Variants in FAM83B observed in about 807,000 individuals in gnomAD.
FAM83B encodes scaffolding CK1 anchoring protein B.
Under a neutral mutation model 38.8 loss-of-function variants are expected in FAM83B, and 26 were observed. The observed-to-expected ratio is 0.67, with a 90% CI of 0.49 to 0.93. The LOEUF is 0.93. FAM83B is among the 40% of genes least tolerant of loss of function. The pLI, the probability that FAM83B is intolerant of heterozygous loss-of-function variation, is 0.00. For missense variants in FAM83B, 1,237 were observed against 1,197.3 expected, an observed-to-expected ratio of 1.03 and a Z score of -0.49; for synonymous variants, 419 against 423.1, an observed-to-expected ratio of 0.99 and a Z score of 0.12.
At chr6:54,856,422 G>A (rs1267124995) in intron 1 of FAM83B, among the ~76,000 whole-genome samples, 1 of 152,174 alleles carries the variant, frequency 6.6e-6, no homozygotes, top group Non-Finnish European at 1.5e-5. Flanking sequence ...CTTTGTCTCA[G>A]AATTGCAGTC....
rs1162710191 is a variant in FAM83B, at chr6:54,944,868, AAAATGATAAACC to A, written c.*2865_*2876del. ...TCTAGAATATTTAAAACAAAAGGAT[AAAATGATAAACC>A]AAAGAGTCAACTTGTTAACTTTTCT... On this transcript the variant is annotated 3_prime_UTR_variant, in exon 5 of 5. Coordinates refer to ENST00000306858, the MANE Select transcript of FAM83B (RefSeq NM_001010872.3). 1.3e-5 allele frequency: 2 copies of A among 152,196 alleles called. No individual in the cohort carries two copies. Among genetic ancestry groups the A allele is most frequent in the Non-Finnish European group, 2.9e-5 (2 of 68,030 alleles). 9.4% of individuals were successfully genotyped at this position (152,196 alleles called of 1,614,324 possible). A position where few individuals can be genotyped will look rare whatever the true frequency, so the allele number is the denominator to read the frequency against.
rs199698013 is a variant in FAM83B at position 54,941,053 on chromosome 6, A to G, written c.2082A>G (p.Arg694=). The change falls in exon 5 of 5, where the codon AGA becomes AGG. Residue 694 remains arginine, a synonymous_variant. Coordinates refer to ENST00000306858, the MANE Select transcript of FAM83B (RefSeq NM_001010872.3). ...GTACACTTACCAGGAATCGAGTTAG[A>G]CAACCAGAAAAGCCCAAAGAAGATT... ...VYSTLTRNRV[R]QPEKPKEDLL... 3 of 1,613,692 alleles carry G rather than the reference A, an allele frequency of 1.9e-6. No individual in the cohort carries two copies. Among genetic ancestry groups the G allele is most frequent in the Non-Finnish European group, 1.7e-6 (2 of 1,179,932 alleles).
chr6:54,856,358 C>T (rs9370330), intron 1 of FAM83B, among the ~76,000 whole-genome samples: 1 of 152,174 alleles, frequency 6.6e-6, no homozygotes, highest in Non-Finnish European at 1.5e-5. Context: ...GGTGCATTTT[C>T]TGGTTCAGGT....
chr6:54,872,951 A>G (rs1771893088), intron 2 of FAM83B, among the ~76,000 whole-genome samples: 1 of 151,984 alleles, frequency 6.6e-6, no homozygotes, highest in Non-Finnish European at 1.5e-5. Context: ...GTATACTGCC[A>G]AATATAAATT....
At chr6:54,892,355 AG>A (rs1772424532) in intron 2 of FAM83B, among the ~76,000 whole-genome samples, 1 of 151,886 alleles carries the variant, frequency 6.6e-6, no homozygotes, top group South Asian at 2.1e-4. Context: ...CTTGTTGTAC[AG>A]ATCATTTCAT....
chr6:54,891,073 G>A (rs7741915), intron 2 of FAM83B, among the ~76,000 whole-genome samples: 75,510 of 151,886 alleles, frequency 0.5, 19,592 homozygotes, highest in East Asian at 0.89. Context: ...CCTCTAGAGT[G>A]AGTTGCTTGC....
chr6:54,904,747 A>T (rs547141787), intron 2 of FAM83B, among the ~76,000 whole-genome samples: 66 of 152,336 alleles, frequency 4.3e-4, no homozygotes, highest in African/African-American at 1.5e-3. Context: ...AAGAGCCAGG[A>T]TTTGGCCATG....
At chr6:54,897,972 A>G (rs1178509149) in intron 2 of FAM83B, among the ~76,000 whole-genome samples, 1 of 152,210 alleles carries the variant, frequency 6.6e-6, no homozygotes, top group Non-Finnish European at 1.5e-5. Context: ...TTAAACTAGA[A>G]TTATCAGAAA....
intron 2 of FAM83B, among the ~76,000 whole-genome samples, chr6:54,909,207 A>G (rs1772848208): frequency 1.3e-5 from 2 of 152,162 alleles, no homozygotes; most frequent in South Asian, 4.1e-4. Context: ...TCATTTGAAT[A>G]TATGGCGGGT....
intron 2 of FAM83B, among the ~76,000 whole-genome samples, chr6:54,925,516 A>G (rs961049839): frequency 6.6e-6 from 1 of 152,178 alleles, no homozygotes; most frequent in South Asian, 2.1e-4. Flanking sequence ...CATCTTAGGG[A>G]CCTGTTCTTT....
Position 54,870,391 on chromosome 6 carries a change from C to G in FAM83B, c.145C>G (p.Gln49Glu), listed in dbSNP as rs768101945. ...AGAAGCATACCAAGAATTTCTTGTCCAGGAACGAGTTTCAGACTTTCTTGC... is the reference window on the plus strand; with the variant it reads ...AGAAGCATACCAAGAATTTCTTGTCGAGGAACGAGTTTCAGACTTTCTTGC... ...GLEAYQEFLV[Q>E]ERVSDFLAEE... Residue 49 changes from glutamine (Q) to glutamate (E), a missense_variant, in exon 2 of 5, where the codon CAG (glutamine) becomes GAG (glutamate). By Grantham distance (29) the Gln-to-Glu change is conservative. Coordinates refer to ENST00000306858, the MANE Select transcript of FAM83B (RefSeq NM_001010872.3). The G allele has an allele frequency of 6.2e-7, 1 of 1,613,940 alleles. No individual in the cohort carries two copies. The highest frequency in any genetic ancestry group is 1.7e-5 in the Admixed American group (1 of 59,990).
At chr6:54,919,092 G>A (rs1166833249) in intron 2 of FAM83B, among the ~76,000 whole-genome samples, 2 of 152,048 alleles carry the variant, frequency 1.3e-5, no homozygotes, top group African/African-American at 2.4e-5. Context: ...GAAGTACTGA[G>A]GAAGTTAGAA....
At position 54,870,472 on chromosome 6, in the gene FAM83B, G is replaced by T. The variant is rs771157243; in HGVS notation, c.226G>T (p.Ala76Ser). The stretch of plus-strand genomic sequence containing the variant: ...TGTCCAGAAAGTTGCACAAAGCACA[G>T]CACATGGTACTGATGATTCCTGTGA... The part of the protein sequence containing the change: ...KNVQKVAQST[A>S]HGTDDSCDDT... The change falls in exon 2 of 5, where the codon GCA (alanine) becomes TCA (serine). Residue 76 changes from alanine to serine, a missense_variant. Physicochemically the swap from Ala to Ser is moderately conservative, Grantham distance 99. Transcript: ENST00000306858. The T allele has an allele frequency of 6.2e-7, 1 of 1,614,004 alleles. No homozygotes were observed. The highest frequency in any genetic ancestry group is 2.2e-5 in the East Asian group (1 of 44,874).
chr6:54,929,441 G>A (rs1360512812), intron 4 of FAM83B, among the ~76,000 whole-genome samples: 2 of 152,124 alleles, frequency 1.3e-5, no homozygotes, highest in Non-Finnish European at 2.9e-5. Context: ...TACACATTGT[G>A]TGACAGCTCA....
chr6:54,931,502 G>A (rs1773418912), intron 4 of FAM83B, among the ~76,000 whole-genome samples: 2 of 149,812 alleles, frequency 1.3e-5, no homozygotes, highest in South Asian at 4.2e-4. Flanking sequence ...TGTTATAATT[G>A]TTATATCTTC....
chr6:54,857,801 G>A (rs957934515), intron 1 of FAM83B, among the ~76,000 whole-genome samples: 2 of 152,096 alleles, frequency 1.3e-5, no homozygotes, highest in Non-Finnish European at 2.9e-5. Flanking sequence ...AGGGTACAAC[G>A]ATTAAGTATG....
intron 2 of FAM83B, among the ~76,000 whole-genome samples, chr6:54,873,130 T>A (rs1771900492): frequency 2.0e-5 from 3 of 152,210 alleles, no homozygotes; most frequent in African/African-American, 7.2e-5. Context: ...CCCAAAGTGC[T>A]GGGATTATAG....
rs1352189382 is a variant in FAM83B, at chr6:54,852,942, T to TG, written c.-61+6116_-61+6117insG. ...GATTATTCGATTTTTGTTGCAATTTTTTTTTCTTTTTTTAAGCTCATTGGC... is the reference window on the plus strand; with the variant it reads ...GATTATTCGATTTTTGTTGCAATTTTGTTTTTCTTTTTTTAAGCTCATTGGC... On this transcript the variant is annotated intron_variant, in intron 1 of 4. Transcript: ENST00000306858. 4.6e-5 allele frequency among the ~76,000 whole-genome samples: 7 copies of TG among 151,856 alleles called. No homozygotes were observed. In the South Asian group the frequency reaches 1.5e-3, roughly 32 times the overall value.
Position 54,934,355 on chromosome 6 carries a change from A to C in FAM83B, c.735-5351A>C, listed in dbSNP as rs117371802. ...ATGAGGGACTGTAAAGCTGATTAGA[A>C]ACTGAGCGGGAAATGCTTATCAACG... On this transcript the variant is annotated intron_variant, in intron 4 of 4. Transcript: ENST00000306858. 9.2e-5 allele frequency among the ~76,000 whole-genome samples: 14 copies of C among 152,264 alleles called. No individual in the cohort carries two copies. In the East Asian group the frequency reaches 2.3e-3, roughly 25 times the overall value.
Sources: gnomAD v4.1 joint callset for allele counts (sites outside exome capture counted in the v4.1 genomes callset) on GRCh38, gnomAD v4.1.1 for gene constraint, MANE v1.5 for transcripts, NCBI Gene and HGNC (gene_info 2026-07-23, HGNC 2026-07-21) for gene names.